C1GALT1: variants seen among roughly 807,000 people sequenced by gnomAD.
C1GALT1 encodes the protein core 1 synthase, glycoprotein-N-acetylgalactosamine 3-beta-galactosyltransferase 1.
C1GALT1 carries 11 observed loss-of-function variants against 31.0 expected under a neutral mutation model. The observed-to-expected ratio is 0.36, with a 90% CI of 0.22 to 0.59. The LOEUF is 0.59. C1GALT1 is among the 20% of genes least tolerant of loss of function. The pLI is 0.79. For synonymous variants in C1GALT1, 175 were observed against 143.6 expected, an observed-to-expected ratio of 1.22 and a Z score of -1.56; for missense variants, 424 against 425.2, an observed-to-expected ratio of 1.00 and a Z score of 0.03.
intron 3 of C1GALT1, among the ~76,000 whole-genome samples, chr7:7,240,639 A>G (rs925307290): frequency 1.3e-5 from 2 of 152,160 alleles, no homozygotes; most frequent in African/African-American, 4.8e-5. Flanking sequence ...AGTAGTAGCA[A>G]AGGGACATCA....
At position 7,244,529 on chromosome 7, in the gene C1GALT1, A is replaced by G. The variant is rs1031493658; in HGVS notation, c.*802A>G. On this transcript the variant is annotated 3_prime_UTR_variant, in exon 4 of 4. Transcript: ENST00000436587. ...CATGTATTTTACATATTTGTTCCCA[A>G]ATTTGCCCATTGTTCATTATGGGTA... 5 of 152,124 alleles carry G rather than the reference A, an allele frequency of 3.3e-5. No individual in the cohort carries two copies. Among genetic ancestry groups the G allele is most frequent in the African/African-American group, 9.7e-5 (4 of 41,442 alleles). The allele number at this position is 152,124 out of a possible 1,614,324, so 9.4% of individuals were successfully genotyped here.
rs764965274 is a variant in C1GALT1, at chr7:7,248,324, C to G, written c.*4597C>G. 6.6e-6 allele frequency: 1 copy of G among 151,932 alleles called. No homozygotes were observed. Among genetic ancestry groups the G allele is most frequent in the African/African-American group, 2.4e-5 (1 of 41,422 alleles). 9.4% of individuals were successfully genotyped at this position (151,932 alleles called of 1,614,324 possible). On this transcript the variant is annotated 3_prime_UTR_variant, in exon 4 of 4. Coordinates refer to ENST00000436587, the MANE Select transcript of C1GALT1 (RefSeq NM_020156.5). ...TTCAGTTTATATTAAGTTTTAATAA[C>G]TTTGCGGGGCCCTGCAAATTAATAA...
intron 1 of C1GALT1, among the ~76,000 whole-genome samples, chr7:7,219,812 C>T (rs536744595): frequency 1.3e-5 from 2 of 151,822 alleles, no homozygotes; most frequent in South Asian, 4.2e-4. Flanking sequence ...ATAACATTGT[C>T]TATAAAATTT....
intron 2 of C1GALT1, among the ~76,000 whole-genome samples, chr7:7,159,336 A>T (rs528259787): frequency 6.6e-6 from 1 of 152,294 alleles, no homozygotes; most frequent in South Asian, 2.1e-4. Context: ...GAACTAAAAA[A>T]TAAAAAGGAA....
At chr7:7,200,579 C>T (rs963651651) in intron 1 of C1GALT1, among the ~76,000 whole-genome samples, 2 of 152,118 alleles carry the variant, frequency 1.3e-5, no homozygotes, top group African/African-American at 4.8e-5. Flanking sequence ...TGGATTATAT[C>T]CTGAAGAGTG....
intron 1 of C1GALT1, among the ~76,000 whole-genome samples, chr7:7,208,655 A>G (rs1255857997): frequency 1.3e-5 from 2 of 152,170 alleles, no homozygotes; most frequent in South Asian, 2.1e-4. Flanking sequence ...TGGAGGTACA[A>G]CCACAATGGC....
intron 1 of C1GALT1, among the ~76,000 whole-genome samples, chr7:7,183,158 G>A (rs1305349993): frequency 3.3e-5 from 5 of 152,006 alleles, no homozygotes; most frequent in Non-Finnish European, 5.9e-5. Flanking sequence ...GGCGCGGCGG[G>A]GCGCGCAGTG....
rs1450254728 is a variant in C1GALT1, at chr7:7,243,948, A to G, written c.*221A>G. ...GTAATATATAAATATGTCTATATATATGAGGAACTTGTGTTTTTTAAATGG... is the reference window on the plus strand; with the variant it reads ...GTAATATATAAATATGTCTATATATGTGAGGAACTTGTGTTTTTTAAATGG... On this transcript the variant is annotated 3_prime_UTR_variant, in exon 4 of 4. Coordinates refer to ENST00000436587, the MANE Select transcript of C1GALT1 (RefSeq NM_020156.5). The G allele has an allele frequency of 2.7e-5, 8 of 301,582 alleles. No individual in the cohort carries two copies. The highest frequency in any genetic ancestry group is 4.2e-5 in the Non-Finnish European group (7 of 166,212). 18.7% of individuals were successfully genotyped at this position (301,582 alleles called of 1,614,324 possible).
intron 1 of C1GALT1, among the ~76,000 whole-genome samples, chr7:7,229,148 ACTG>A (rs1420212908): frequency 6.6e-6 from 1 of 152,230 alleles, no homozygotes; most frequent in Admixed American, 6.5e-5. Flanking sequence ...CATTGTGACT[ACTG>A]CTTTCTTCTC....
rs1189586211 is a variant in C1GALT1, at chr7:7,243,925, AATATATAAATATGTCT to A, written c.*206_*221del. The A allele has an allele frequency of 2.5e-6, 1 of 394,764 alleles. No individual in the cohort carries two copies. Among genetic ancestry groups the A allele is most frequent in the Non-Finnish European group, 4.5e-6 (1 of 222,328 alleles). The allele number at this position is 394,764 out of a possible 1,614,324, so 24.5% of individuals were successfully genotyped here. A position where few individuals can be genotyped will look rare whatever the true frequency, so the allele number is the denominator to read the frequency against. On this transcript the variant is annotated 3_prime_UTR_variant, in exon 4 of 4. Coordinates refer to ENST00000436587, the MANE Select transcript of C1GALT1 (RefSeq NM_020156.5). ...GTGTTAAAATGTGTTTTGATACAGT[AATATATAAATATGTCT>A]ATATATATGAGGAACTTGTGTTTTT...
At chr7:7,228,836 C>G (rs116546049) in intron 1 of C1GALT1, among the ~76,000 whole-genome samples, 58 of 152,332 alleles carry the variant, frequency 3.8e-4, no homozygotes, top group African/African-American at 1.4e-3. Flanking sequence ...TACATTCACT[C>G]CAGGATAGAT....
At chr7:7,227,487 G>C (rs371917104) in intron 1 of C1GALT1, among the ~76,000 whole-genome samples, 2 of 152,096 alleles carry the variant, frequency 1.3e-5, no homozygotes, top group Non-Finnish European at 2.9e-5. Flanking sequence ...TTGGGAGGCC[G>C]AGGCGGGCGG....
chr7:7,184,815 A>T (rs1056412445), intron 1 of C1GALT1, among the ~76,000 whole-genome samples: 5 of 152,268 alleles, frequency 3.3e-5, no homozygotes, highest in African/African-American at 1.2e-4. Context: ...TTAAGATTTG[A>T]TTAAAGACGC....
intron 1 of C1GALT1, among the ~76,000 whole-genome samples, chr7:7,208,990 G>C (rs1042027194): frequency 2.0e-5 from 3 of 152,166 alleles, no homozygotes; most frequent in African/African-American, 4.8e-5. Flanking sequence ...TTCTACCAGC[G>C]TAAGTGTTCT....
chr7:7,162,528 G>C (rs12154648), intron 2 of C1GALT1, among the ~76,000 whole-genome samples: 54,268 of 150,758 alleles, frequency 0.36, 10,740 homozygotes, highest in Admixed American at 0.56. Flanking sequence ...TTGGACATTT[G>C]GGTTGGTTCC....
chr7:7,241,515 C>T (rs1373962508), intron 3 of C1GALT1, among the ~76,000 whole-genome samples: 1 of 151,962 alleles, frequency 6.6e-6, no homozygotes, highest in Admixed American at 6.6e-5. Context: ...TGCATACAAA[C>T]TCATTAATTT....
At chr7:7,191,594 A>T (rs1214384618) in intron 1 of C1GALT1, among the ~76,000 whole-genome samples, 1 of 152,120 alleles carries the variant, frequency 6.6e-6, no homozygotes. Context: ...CTTTCATACC[A>T]ATAGTATACA....
At chr7:7,159,146 T>C (rs1273369456) in intron 2 of C1GALT1, among the ~76,000 whole-genome samples, 1 of 152,166 alleles carries the variant, frequency 6.6e-6, no homozygotes, top group African/African-American at 2.4e-5. Context: ...GAAGGTGTTA[T>C]AAAATCACAG....
At position 7,220,240 on chromosome 7, in the gene C1GALT1, T is replaced by C. The variant is rs541289218; in HGVS notation, c.-17-14063T>C. On this transcript the variant is annotated intron_variant, in intron 1 of 3. Coordinates refer to ENST00000436587, the MANE Select transcript of C1GALT1 (RefSeq NM_020156.5). ...GCCAGCATAGGGTTGTGGAAAGTTA[T>C]GGTAAATTAATTTAAAGCACTTAGA... Among the ~76,000 whole-genome samples, 5 of 152,346 alleles carry C rather than the reference T, an allele frequency of 3.3e-5. No individual in the cohort carries two copies. In the East Asian group the frequency reaches 5.8e-4, roughly 18 times the overall value.
Sources: allele counts gnomAD v4.1 joint callset (sites outside exome capture counted in the v4.1 genomes callset), GRCh38; gene constraint gnomAD v4.1.1; transcripts MANE v1.5; gene names NCBI Gene and HGNC (gene_info 2026-07-23, HGNC 2026-07-21).